The following PLAC8 variants were observed in gnomAD, a reference collection of about 807,000 sequenced individuals.
The protein encoded by PLAC8 is placenta associated 8.
Under a neutral mutation model 12.6 loss-of-function variants are expected in PLAC8, and 6 were observed. The ratio of observed to expected loss-of-function variants is 0.48; its 90% CI spans 0.26 to 0.94. PLAC8 has a LOEUF of 0.94. PLAC8 is among the 40% of genes least tolerant of loss of function. The probability of loss-of-function intolerance (pLI) is 0.14; values close to 1 mark genes in which losing one functional copy is unlikely to be tolerated. For synonymous variants in PLAC8, 54 were observed against 52.6 expected, an observed-to-expected ratio of 1.03 and a Z score of -0.11; for missense variants, 122 against 152.7, an observed-to-expected ratio of 0.80 and a Z score of 1.06.
chr4:83,095,926 A>G (rs565830259), intron 3 of PLAC8, among the ~76,000 whole-genome samples: 1 of 152,232 alleles, frequency 6.6e-6, no homozygotes, highest in Non-Finnish European at 1.5e-5. Flanking sequence ...CGGGCAGGGC[A>G]CTAGATGAAC....
At chr4:83,102,682 T>C (rs1178890383) in intron 3 of PLAC8, among the ~76,000 whole-genome samples, 4 of 152,194 alleles carry the variant, frequency 2.6e-5, no homozygotes, top group Non-Finnish European at 4.4e-5. Flanking sequence ...ACTACAGATG[T>C]GGTAGAAATA....
At chr4:83,107,737 G>A (rs1310359010) in intron 2 of PLAC8, 67 bp downstream of exon 2, 4 of 828,656 alleles carry the variant, frequency 4.8e-6, no homozygotes, top group Non-Finnish European at 7.5e-6. Flanking sequence ...GAGGAATGGG[G>A]GAAGGATTGA....
chr4:83,108,631 G>T (rs1732321229), intron 1 of PLAC8, among the ~76,000 whole-genome samples: 1 of 152,126 alleles, frequency 6.6e-6, no homozygotes, highest in African/African-American at 2.4e-5. Flanking sequence ...AGAATTCACG[G>T]AACTGGGAAG....
intron 2 of PLAC8, among the ~76,000 whole-genome samples, chr4:83,105,382 A>G (rs1462447903): frequency 6.6e-6 from 1 of 152,238 alleles, no homozygotes; most frequent in Non-Finnish European, 1.5e-5. Context: ...CTCCAACAGA[A>G]ACGTGTTTGA....
At chr4:83,098,699 T>A (rs1732007149) in intron 3 of PLAC8, among the ~76,000 whole-genome samples, 1 of 151,948 alleles carries the variant, frequency 6.6e-6, no homozygotes, top group East Asian at 1.9e-4. Flanking sequence ...CATTGAGTCT[T>A]GTTTGGAAAG....
At chr4:83,102,879 G>C (rs1410875369) in intron 3 of PLAC8, among the ~76,000 whole-genome samples, 1 of 151,706 alleles carries the variant, frequency 6.6e-6, no homozygotes, top group East Asian at 1.9e-4. Context: ...GAGGTCAGGA[G>C]ATTGAGACAA....
intron 2 of PLAC8, among the ~76,000 whole-genome samples, chr4:83,107,390 A>G (rs939835611): frequency 7.2e-5 from 11 of 151,948 alleles, no homozygotes; most frequent in Admixed American, 5.2e-4. Flanking sequence ...ACTGGACACA[A>G]TGTAACTATA....
chr4:83,102,814 C>T (rs983174716), intron 3 of PLAC8, among the ~76,000 whole-genome samples: 3 of 152,094 alleles, frequency 2.0e-5, no homozygotes, highest in Non-Finnish European at 4.4e-5. Context: ...TGGCCGGGCG[C>T]GGTGGCTCAC....
At chr4:83,113,514 T>C (rs748441435) in intron 1 of PLAC8, among the ~76,000 whole-genome samples, 33 of 152,082 alleles carry the variant, frequency 2.2e-4, no homozygotes, top group Non-Finnish European at 3.7e-4. Flanking sequence ...AGTGCCAGGG[T>C]GTGTAAACGT....
intron 3 of PLAC8, among the ~76,000 whole-genome samples, chr4:83,104,490 C>G (rs1053113435): frequency 6.6e-6 from 1 of 152,162 alleles, no homozygotes; most frequent in Non-Finnish European, 1.5e-5. Context: ...AGTATCGACT[C>G]TTTCTCTACT....
intron 1 of PLAC8, among the ~76,000 whole-genome samples, chr4:83,113,162 T>C (rs1732461440): frequency 6.6e-6 from 1 of 152,248 alleles, no homozygotes; most frequent in Admixed American, 6.5e-5. Flanking sequence ...GCAGGGCTGC[T>C]GCCCTTATGC....
chr4:83,107,709 T>C (rs148578174), intron 2 of PLAC8, 95 bp downstream of exon 2: 387 of 374,444 alleles, frequency 1.0e-3, no homozygotes, highest in African/African-American at 8.7e-3. Context: ...AGTTAGAAAC[T>C]TTTTCTACAC....
intron 4 of PLAC8, chr4:83,093,921 C>T (rs1463868899): frequency 6.6e-6 from 1 of 152,090 alleles, no homozygotes; most frequent in Admixed American, 6.5e-5. Context: ...CATTTTTTTA[C>T]GTATCTCCCA....
At position 83,105,365 on chromosome 4, in the gene PLAC8, GA is replaced by G. The variant is rs375004273; in HGVS notation, c.119-346del. On this transcript the variant is annotated intron_variant, in intron 2 of 4. Transcript: ENST00000311507. ...TCTAGTAGTGAAGGCAGATCATAGG[GA>G]AAGTTCTCCAACAGAAACGTGTTTG... Among the ~76,000 whole-genome samples the G allele has an allele frequency of 9.3e-4, 141 of 152,346 alleles. 1 individual carries two copies. The highest frequency in any genetic ancestry group is 3.2e-3 in the African/African-American group (133 of 41,582).
intron 1 of PLAC8, among the ~76,000 whole-genome samples, chr4:83,114,022 G>C (rs1160891911): frequency 1.3e-5 from 2 of 150,438 alleles, no homozygotes; most frequent in Non-Finnish European, 3.0e-5. Context: ...CCAGATACTA[G>C]ACATATTATT....
chr4:83,100,706 A>G (rs911034915), intron 3 of PLAC8, among the ~76,000 whole-genome samples: 7 of 152,176 alleles, frequency 4.6e-5, no homozygotes, highest in African/African-American at 1.7e-4. Context: ...AATTAGGTCA[A>G]CCAATAACCC....
intron 4 of PLAC8, chr4:83,094,396 T>C (rs751923013): frequency 8.9e-5 from 23 of 258,610 alleles, no homozygotes; most frequent in Non-Finnish European, 1.5e-4. Context: ...CACCATACTC[T>C]GGTATTTTAC....
Position 83,107,902 on chromosome 4 carries a change from A to G in PLAC8, c.20T>C (p.Val7Ala). The change falls in exon 2 of 5, where the codon GTG becomes GCG. Residue 7 changes from valine to alanine, a missense_variant. Val to Ala is a moderately conservative substitution (Grantham distance 64). Transcript: ENST00000311507. MQAQAP[V>A]VVVTQPGVGP... is the part of the protein sequence containing the mutation. Reference sequence around the variant, plus strand: ...GACTCCAGGTTGGGTCACAACGACCACCGGCGCCTGAGCTTGCATTTTCAG... The same window carrying G: ...GACTCCAGGTTGGGTCACAACGACCGCCGGCGCCTGAGCTTGCATTTTCAG... The G allele has an allele frequency of 6.6e-7, 1 of 1,521,234 alleles. No homozygotes were observed. Among genetic ancestry groups the G allele is most frequent in the Non-Finnish European group, 8.9e-7 (1 of 1,124,748 alleles). The allele number at this position is 1,521,234 out of a possible 1,614,324, so 94.2% of individuals were successfully genotyped here. A position where few individuals can be genotyped will look rare whatever the true frequency, so the allele number is the denominator to read the frequency against.
intron 1 of PLAC8, among the ~76,000 whole-genome samples, chr4:83,113,065 T>C (rs372563466): frequency 3.9e-5 from 6 of 152,242 alleles, no homozygotes; most frequent in Non-Finnish European, 7.3e-5. Context: ...GGTTGAGGAA[T>C]CTGTACAATG....
Sources: gnomAD v4.1 joint callset for allele counts (sites outside exome capture counted in the v4.1 genomes callset) on GRCh38, gnomAD v4.1.1 for gene constraint, MANE v1.5 for transcripts, NCBI Gene and HGNC (gene_info 2026-07-23, HGNC 2026-07-21) for gene names.